The following RAB11FIP4 variants were observed in gnomAD, a reference collection of about 807,000 sequenced individuals.
RAB11FIP4 encodes rab11 family-interacting protein 4.
In RAB11FIP4, 23 loss-of-function variants were observed where a neutral mutation model predicts 74.3. The observed-to-expected ratio is 0.31, with a 90% CI of 0.22 to 0.44. RAB11FIP4 has a LOEUF of 0.44. RAB11FIP4 is among the 20% of genes least tolerant of loss of function. RAB11FIP4 has a pLI of 1.00. For synonymous variants in RAB11FIP4, 360 were observed against 359.9 expected, an observed-to-expected ratio of 1.00 and a Z score of 0.00; for missense variants, 630 against 863.9, an observed-to-expected ratio of 0.73 and a Z score of 3.39.
intron 3 of RAB11FIP4, among the ~76,000 whole-genome samples, chr17:31,469,358 G>A (rs1010361242): frequency 1.3e-5 from 2 of 152,130 alleles, no homozygotes; most frequent in East Asian, 3.9e-4. Context: ...GGCCAGGCAC[G>A]GTGGCCCATG....
intron 1 of RAB11FIP4, among the ~76,000 whole-genome samples, chr17:31,415,286 AAG>A (rs1428253129): frequency 6.6e-6 from 1 of 152,196 alleles, no homozygotes; most frequent in East Asian, 1.9e-4. Context: ...TACGTGGACA[AAG>A]AGGAGGGGAG....
rs2071435018 is a variant in RAB11FIP4 at position 31,444,648 on chromosome 17, G to A, written c.336+10526G>A. On this transcript the variant is annotated intron_variant, in intron 3 of 14. Transcript: ENST00000621161. ...ACCTCCTGCCTAACCCAACCCTGACGCCCAAGTCCACATGTATCTTTAGAA... is the reference window on the plus strand; with the variant it reads ...ACCTCCTGCCTAACCCAACCCTGACACCCAAGTCCACATGTATCTTTAGAA... 2.6e-5 allele frequency among the ~76,000 whole-genome samples: 4 copies of A among 152,174 alleles called. No individual in the cohort carries two copies. In the South Asian group the frequency reaches 8.3e-4, roughly 32 times the overall value.
At chr17:31,529,969 G>A (rs577527880) in intron 13 of RAB11FIP4, among the ~76,000 whole-genome samples, 1 of 152,224 alleles carries the variant, frequency 6.6e-6, no homozygotes, top group South Asian at 2.1e-4. Flanking sequence ...TGGCCAGCCT[G>A]CCCAGAGAGC....
intron 3 of RAB11FIP4, among the ~76,000 whole-genome samples, chr17:31,436,781 GTTTTTTT>G (rs1310980251): frequency 3.3e-5 from 1 of 30,366 alleles, no homozygotes; most frequent in African/African-American, 1.4e-4. Context: ...TTTGTTTTTT[GTTTTTTT>G]TGTTTTTTTT....
In RAB11FIP4 at chr17:31,537,481, C is replaced by T. The variant is rs1464976702; in HGVS notation, c.*5749C>T. 2.6e-5 allele frequency: 9 copies of T among 344,014 alleles called. No individual in the cohort carries two copies. The highest frequency in any genetic ancestry group is 9.6e-5 in the Admixed American group (2 of 20,846). The allele number at this position is 344,014 out of a possible 1,614,324, so 21.3% of individuals were successfully genotyped here. ...GCAACTTTGTGTAAAGCAGCTTCTC[C>T]CACAGAGCTTTCCCTGCATTGTTAG... On this transcript the variant is annotated 3_prime_UTR_variant, in exon 15 of 15. Transcript: ENST00000621161.
At chr17:31,529,124 G>A (rs971525589) in intron 13 of RAB11FIP4, among the ~76,000 whole-genome samples, 3 of 148,596 alleles carry the variant, frequency 2.0e-5, no homozygotes, top group Non-Finnish European at 4.4e-5. Flanking sequence ...CAAGAGACAG[G>A]GTCTTGCTCT....
intron 3 of RAB11FIP4, among the ~76,000 whole-genome samples, chr17:31,443,987 T>C (rs1228730806): frequency 6.6e-6 from 1 of 152,190 alleles, no homozygotes; most frequent in African/African-American, 2.4e-5. Flanking sequence ...TTGGCTCTTT[T>C]GCTCATATTC....
At chr17:31,468,253 G>A (rs1241062169) in intron 3 of RAB11FIP4, among the ~76,000 whole-genome samples, 1 of 152,004 alleles carries the variant, frequency 6.6e-6, no homozygotes. Context: ...TCCCTTCCTC[G>A]CTTCCTCTGC....
At chr17:31,431,510 G>T in intron 1 of RAB11FIP4, 1 of 294,344 alleles carries the variant, frequency 3.4e-6, no homozygotes, top group Non-Finnish European at 6.3e-6. Context: ...TAAAACATCG[G>T]CAGAGCCTCG....
chr17:31,485,511 C>T (rs556176366), intron 3 of RAB11FIP4, among the ~76,000 whole-genome samples: 2 of 152,240 alleles, frequency 1.3e-5, no homozygotes, highest in East Asian at 1.9e-4. Context: ...TGGTTCTGGA[C>T]GATCCTGTCA....
In RAB11FIP4 at chr17:31,474,668, CAAA is replaced by C. The variant is rs3058692; in HGVS notation, c.336+40560_336+40562del. ...TGGGGGACAGAGCTAGACTCCATCT[CAAA>C]AAAAAAAAAAAAAGAGAGAAAGTGT... On this transcript the variant is annotated intron_variant, in intron 3 of 14. Coordinates refer to ENST00000621161, the MANE Select transcript of RAB11FIP4 (RefSeq NM_032932.6). 4.5e-3 allele frequency among the ~76,000 whole-genome samples: 606 copies of C among 135,748 alleles called. 2 individuals are homozygous for C. Among genetic ancestry groups the C allele is most frequent in the Middle Eastern group, 0.015 (4 of 266 alleles). 89.1% of individuals were successfully genotyped at this position (135,748 alleles called of 152,430 possible). A position where few individuals can be genotyped will look rare whatever the true frequency, so the allele number is the denominator to read the frequency against.
chr17:31,400,558 C>T (rs192914036), intron 1 of RAB11FIP4, among the ~76,000 whole-genome samples: 183 of 152,248 alleles, frequency 1.2e-3, no homozygotes, highest in Admixed American at 1.9e-3. Context: ...CAGAAGGGGC[C>T]GGGGAGAGGC....
chr17:31,469,945 T>C (rs1486163220), intron 3 of RAB11FIP4, among the ~76,000 whole-genome samples: 5 of 152,300 alleles, frequency 3.3e-5, no homozygotes, highest in African/African-American at 1.2e-4. Context: ...CTGACATAAA[T>C]ACTAAATGAA....
At chr17:31,462,894 C>T (rs1328158375) in intron 3 of RAB11FIP4, among the ~76,000 whole-genome samples, 2 of 152,186 alleles carry the variant, frequency 1.3e-5, no homozygotes, top group Non-Finnish European at 2.9e-5. Flanking sequence ...CCTCGGCCTC[C>T]CAAAGTGCTG....
At chr17:31,530,084 G>A (rs912126421) in intron 13 of RAB11FIP4, among the ~76,000 whole-genome samples, 3 of 152,232 alleles carry the variant, frequency 2.0e-5, no homozygotes, top group African/African-American at 4.8e-5. Flanking sequence ...GAGCAGGGCT[G>A]TAACTCCTCC....
intron 3 of RAB11FIP4, among the ~76,000 whole-genome samples, chr17:31,486,507 C>T (rs2071903440): frequency 1.3e-5 from 2 of 152,180 alleles, no homozygotes; most frequent in South Asian, 4.1e-4. Context: ...AAATACCTAG[C>T]CACAAGTAAC....
At position 31,480,657 on chromosome 17, in the gene RAB11FIP4, A is replaced by G. The variant is rs1055217339; in HGVS notation, c.337-36994A>G. On this transcript the variant is annotated intron_variant, in intron 3 of 14. Coordinates refer to ENST00000621161, the MANE Select transcript of RAB11FIP4 (RefSeq NM_032932.6). Reference sequence around the variant, plus strand: ...AAAAAAATTAGCTGGGTGTGGTGGCACGTGCCTGTGATCCCAGCTACTCGG... The same window carrying G: ...AAAAAAATTAGCTGGGTGTGGTGGCGCGTGCCTGTGATCCCAGCTACTCGG... 1.2e-4 allele frequency among the ~76,000 whole-genome samples: 18 copies of G among 152,030 alleles called. No homozygotes were observed. The East Asian group carries it at 3.3e-3, about 28-fold the overall frequency.
intron 3 of RAB11FIP4, among the ~76,000 whole-genome samples, chr17:31,489,470 G>T (rs762534984): frequency 2.4e-4 from 37 of 152,254 alleles, no homozygotes; most frequent in Admixed American, 9.8e-4. Context: ...TTGGTGGAGT[G>T]CCTGAGTCGC....
chr17:31,508,811 C>T (rs1038398842), intron 3 of RAB11FIP4, among the ~76,000 whole-genome samples: 1 of 152,180 alleles, frequency 6.6e-6, no homozygotes, highest in Non-Finnish European at 1.5e-5. Context: ...GGAGCCTCAG[C>T]ACACACCCCG....
Sources: gnomAD v4.1 joint callset for allele counts (sites outside exome capture counted in the v4.1 genomes callset) on GRCh38, gnomAD v4.1.1 for gene constraint, MANE v1.5 for transcripts, NCBI Gene and HGNC (gene_info 2026-07-23, HGNC 2026-07-21) for gene names.